PCLO: variants seen among roughly 807,000 people sequenced by gnomAD.
PCLO encodes the protein piccolo presynaptic cytomatrix protein, also known as protein piccolo.
A neutral mutation model predicts 427.5 loss-of-function variants in PCLO; 82 were observed. The observed-to-expected ratio is 0.19, with a 90% CI of 0.16 to 0.23. The LOEUF is 0.23. PCLO is among the 10% of genes least tolerant of loss of function. The probability of loss-of-function intolerance (pLI) is 1.00; values close to 1 mark genes in which losing one functional copy is unlikely to be tolerated. For synonymous variants in PCLO, 2,357 were observed against 2,155.4 expected, an observed-to-expected ratio of 1.09 and a Z score of -2.59; for missense variants, 6,239 against 6,115.9, an observed-to-expected ratio of 1.02 and a Z score of -0.67.
intron 13 of PCLO, among the ~76,000 whole-genome samples, chr7:82,842,354 T>A (rs1055688224): frequency 6.6e-6 from 1 of 152,030 alleles, no homozygotes; most frequent in Non-Finnish European, 1.5e-5. Context: ...AGGAATAAAC[T>A]TAGATCCTTA....
intron 20 of PCLO, chr7:82,820,588 T>C: frequency 8.1e-7 from 1 of 1,228,464 alleles, no homozygotes; most frequent in Non-Finnish European, 1.0e-6. Flanking sequence ...AAAATGTCTG[T>C]TTGTAGGATC....
chr7:83,136,741 T>C (rs1221667205), intron 2 of PCLO, among the ~76,000 whole-genome samples: 1 of 152,138 alleles, frequency 6.6e-6, no homozygotes, highest in East Asian at 1.9e-4. Context: ...GATATATACA[T>C]GTACATGTAT....
At chr7:83,008,094 C>T (rs1787992853) in intron 3 of PCLO, among the ~76,000 whole-genome samples, 1 of 151,322 alleles carries the variant, frequency 6.6e-6, no homozygotes, top group African/African-American at 2.4e-5. Flanking sequence ...GTAATAAATA[C>T]ACACACATAC....
chr7:82,998,570 T>C (rs1375938612), intron 3 of PCLO, among the ~76,000 whole-genome samples: 1 of 151,840 alleles, frequency 6.6e-6, no homozygotes, highest in Non-Finnish European at 1.5e-5. Context: ...CCTCTCTAGA[T>C]ATCCTGTCCC....
At chr7:82,997,363 C>T (rs1466132500) in intron 3 of PCLO, among the ~76,000 whole-genome samples, 1 of 151,932 alleles carries the variant, frequency 6.6e-6, no homozygotes, top group African/African-American at 2.4e-5. Context: ...TATTATTTTA[C>T]TCCTAGTACA....
At chr7:83,144,976 G>GC (rs1791957574) in intron 2 of PCLO, among the ~76,000 whole-genome samples, 1 of 152,096 alleles carries the variant, frequency 6.6e-6, no homozygotes, top group African/African-American at 2.4e-5. Context: ...AAATGGTATT[G>GC]CAAGTGATTT....
chr7:83,015,642 G>A (rs1412176029), intron 3 of PCLO, among the ~76,000 whole-genome samples: 1 of 152,018 alleles, frequency 6.6e-6, no homozygotes, highest in Non-Finnish European at 1.5e-5. Context: ...ACTTTTTATT[G>A]TGAAAACAAG....
chr7:82,827,892 T>G lies in PCLO; in HGVS notation c.14324A>C (p.Lys4775Thr), dbSNP rs762009956. 2 of 1,585,266 alleles carry G rather than the reference T, an allele frequency of 1.3e-6. No individual in the cohort carries two copies. The highest frequency in any genetic ancestry group is 2.7e-5 in the African/African-American group (2 of 74,392). Residue 4775 changes from lysine to threonine, a missense_variant, in exon 17 of 25, where the codon AAA (lysine) becomes ACA (threonine). By Grantham distance (78) the Lys-to-Thr change is moderately conservative. Around this residue, in one of 5 missense-constraint regions of PCLO, gnomAD observed 877 missense variants for 925.5 expected, o/e 0.95. Transcript: ENST00000333891. ...NPEWNQTVIY[K>T]SISMEQLKKK... ...ACATACCTGTTCCATGGAAATACTT[T>G]TATAAATTACTGTTTGATTCCACTC...
At chr7:82,932,575 A>G (rs911472409) in intron 6 of PCLO, among the ~76,000 whole-genome samples, 4 of 152,138 alleles carry the variant, frequency 2.6e-5, no homozygotes, top group African/African-American at 9.6e-5. Context: ...GTGGGAATGG[A>G]TGAACAACAT....
chr7:82,959,927 G>T (rs770575881), intron 4 of PCLO, among the ~76,000 whole-genome samples: 4 of 152,158 alleles, frequency 2.6e-5, no homozygotes, highest in Non-Finnish European at 5.9e-5. Context: ...GTGAGAGGCA[G>T]TGACGATCGG....
At chr7:82,835,845 G>A (rs528248009) in intron 15 of PCLO, among the ~76,000 whole-genome samples, 152 bp from the exon 16 acceptor site, 1 of 152,274 alleles carries the variant, frequency 6.6e-6, no homozygotes, top group Non-Finnish European at 1.5e-5. Context: ...GGCAGAAAAT[G>A]CTAGAACTAC....
intron 22 of PCLO, among the ~76,000 whole-genome samples, chr7:82,778,593 T>C (rs1290070789): frequency 1.3e-5 from 2 of 152,184 alleles, no homozygotes; most frequent in Non-Finnish European, 2.9e-5. Flanking sequence ...CAGATAGATA[T>C]TTATTTTCTT....
intron 8 of PCLO, among the ~76,000 whole-genome samples, chr7:82,904,363 C>CT (rs1485951176): frequency 2.6e-5 from 4 of 151,908 alleles, no homozygotes; most frequent in Admixed American, 6.6e-5. Context: ...TTTTCTCCCA[C>CT]TTTTTTCCTT....
At chr7:83,070,278 G>C (rs1233496921) in intron 3 of PCLO, among the ~76,000 whole-genome samples, 1 of 152,122 alleles carries the variant, frequency 6.6e-6, no homozygotes, top group Non-Finnish European at 1.5e-5. Flanking sequence ...AAGACCAACA[G>C]CTTGACTGCA....
chr7:82,838,413 G>GT (rs1009273557), intron 14 of PCLO, 71 bp from the exon 15 acceptor site: 125 of 885,718 alleles, frequency 1.4e-4, no homozygotes, highest in Middle Eastern at 3.2e-4. Flanking sequence ...ATATTTACTA[G>GT]TTTTTTTTAA....
intron 3 of PCLO, among the ~76,000 whole-genome samples, chr7:82,993,893 C>G (rs1327811277): frequency 1.3e-5 from 2 of 151,974 alleles, no homozygotes; most frequent in Non-Finnish European, 2.9e-5. Flanking sequence ...CCATCATTCT[C>G]AGCAAACTAA....
At position 82,906,038 on chromosome 7, in the gene PCLO, GA is replaced by G. The variant is rs1794183032; in HGVS notation, c.13437+2838del. On this transcript the variant is annotated intron_variant, in intron 8 of 24. Coordinates refer to ENST00000333891, the MANE Select transcript of PCLO (RefSeq NM_033026.6). ...AGATAGATAGATAGATAGATAGATA[GA>G]TAGATAGATAGATAGGTACACACAC... Among the ~76,000 whole-genome samples, 26 of 151,596 alleles carry G rather than the reference GA, an allele frequency of 1.7e-4. 1 individual carries two copies. The highest frequency in any genetic ancestry group is 4.4e-5 in the Non-Finnish European group (3 of 67,896).
chr7:83,098,123 T>C (rs1375194676), intron 3 of PCLO, among the ~76,000 whole-genome samples: 3 of 152,088 alleles, frequency 2.0e-5, no homozygotes, highest in Non-Finnish European at 2.9e-5. Flanking sequence ...ATGCTTTATA[T>C]GGATGTCAAA....
chr7:83,139,911 T>C (rs538415883), intron 2 of PCLO, among the ~76,000 whole-genome samples: 1 of 152,280 alleles, frequency 6.6e-6, no homozygotes, highest in South Asian at 2.1e-4. Context: ...TGATTTGTAT[T>C]TCAGCACTTA....
Sources: allele counts gnomAD v4.1 joint callset (sites outside exome capture counted in the v4.1 genomes callset), GRCh38; gene constraint gnomAD v4.1.1; regional missense constraint gnomAD v4.1.1; transcripts MANE v1.5; gene names NCBI Gene and HGNC (gene_info 2026-07-23, HGNC 2026-07-21).